SAGE1: variants seen among roughly 807,000 people sequenced by gnomAD.
The protein encoded by SAGE1 is sarcoma antigen 1.
A neutral mutation model predicts 55.4 loss-of-function variants in SAGE1; 55 were observed. The ratio of observed to expected loss-of-function variants is 0.99; its 90% CI spans 0.80 to 1.24. The LOEUF is 1.24. Ranked by LOEUF, SAGE1 falls within the 50% of genes most tolerant of loss-of-function variation. The probability of loss-of-function intolerance (pLI) is 0.00; values close to 1 mark genes in which losing one functional copy is unlikely to be tolerated. For missense variants in SAGE1, 710 were observed against 704.4 expected, an observed-to-expected ratio of 1.01 and a Z score of -0.09; for synonymous variants, 240 against 244.3, an observed-to-expected ratio of 0.98 and a Z score of 0.17.
chrX:135,901,443 T>C, intron 2 of SAGE1, 116 bp from the exon 3 acceptor site: 1 of 753,853 alleles, frequency 1.3e-6, no homozygotes, highest in Non-Finnish European at 1.9e-6. Context: ...ATCTTTGACC[T>C]GTGACTAAAA....
In SAGE1 at chrX:135,911,805, C is replaced by T. The variant is rs782207789; in HGVS notation, c.2373C>T (p.Tyr791=). The T allele has an allele frequency of 1.7e-5, 20 of 1,208,664 alleles. No individual in the cohort carries two copies. In the East Asian group the frequency reaches 5.9e-4, roughly 36 times the overall value. The stretch of plus-strand genomic sequence containing the variant: ...AATTTGCGGTAGGCACCAAAAACTA[C>T]AGTGTCTCTGCAGGTGACCCACCAG... The part of the protein sequence containing the change: ...SNEFAVGTKN[Y]SVSAGDPPVT... The change falls in exon 18 of 20, where the codon TAC becomes TAT. Residue 791 remains tyrosine, a synonymous_variant. Transcript: ENST00000370709.
In SAGE1 at chrX:135,909,647, G is replaced by A. The variant is rs782691323; in HGVS notation, c.1591G>A (p.Val531Ile). 5.3e-5 allele frequency: 64 copies of A among 1,197,039 alleles called. No individual in the cohort carries two copies. The highest frequency in any genetic ancestry group is 9.3e-5 in the South Asian group (5 of 53,750). Residue 531 changes from valine (V) to isoleucine (I), a missense_variant, in exon 14 of 20, where the codon GTC (valine) becomes ATC (isoleucine). Physicochemically the swap from Val to Ile is conservative, Grantham distance 29. Transcript: ENST00000370709. Reference protein sequence around the residue: ...SMSTKDLYATVTQNVHEERME... With the variant: ...SMSTKDLYATITQNVHEERME... ...CTTTATTTGGTTTCCAGATGCTACC[G>A]TCACTCAAAATGTCCATGAAGAGAG...
rs782703511 is a variant in SAGE1, at chrX:135,896,166, T to C, written c.1-77T>C. On this transcript the variant is annotated intron_variant, in intron 1 of 19. Transcript: ENST00000370709. Reference sequence around the variant, plus strand: ...ATATTTCAGCTGTATAGCGCCAATTTATGTGCCAGTTACGTTCCAGTTATA... The same window carrying C: ...ATATTTCAGCTGTATAGCGCCAATTCATGTGCCAGTTACGTTCCAGTTATA... 19 of 711,643 alleles carry C rather than the reference T, an allele frequency of 2.7e-5. No homozygotes were observed. In the East Asian group the frequency reaches 6.0e-4, roughly 23 times the overall value. The allele number at this position is 711,643 out of a possible 1,213,427, so 58.6% of individuals were successfully genotyped here.
intron 14 of SAGE1, 122 bp downstream of exon 14, chrX:135,909,901 A>G (rs2088864775): frequency 1.0e-6 from 1 of 976,007 alleles, no homozygotes; most frequent in South Asian, 2.3e-5. Context: ...GTGTTCTCAG[A>G]TCGCCATCTG....
chrX:135,907,815 T>C lies in SAGE1; in HGVS notation c.1133T>C (p.Met378Thr). 2 of 1,211,186 alleles carry C rather than the reference T, an allele frequency of 1.7e-6. No individual in the cohort carries two copies. The highest frequency in any genetic ancestry group is 2.2e-6 in the Non-Finnish European group (2 of 894,846). ...CTTGCTTATTTGGCAACAGCTGATA[T>C]GCCAGCCATGAGTACCAGGGATCAG... ...PGLAYLATAD[M>T]PAMSTRDQHA... Residue 378 changes from methionine to threonine, a missense_variant, in exon 10 of 20, where the codon ATG becomes ACG. Met to Thr is a moderately conservative substitution (Grantham distance 81, BLOSUM62 -1). Coordinates refer to ENST00000370709, the MANE Select transcript of SAGE1 (RefSeq NM_001381902.1).
At position 135,901,702 on chromosome X, in the gene SAGE1, A is replaced by T; in HGVS notation, c.220+11A>T. 5.0e-6 allele frequency: 6 copies of T among 1,197,930 alleles called. No individual in the cohort carries two copies. The highest frequency in any genetic ancestry group is 5.6e-6 in the Non-Finnish European group (5 of 887,424). On this transcript the variant is annotated intron_variant, in intron 3 of 19. Transcript: ENST00000370709. ...TAGACAAACAGGAAGGTGAGGGGGA[A>T]TCCAATCTTTGGGCCTCAACCATGT...
Position 135,906,117 on chromosome X carries a change from T to C in SAGE1, c.548T>C (p.Ile183Thr). 3 of 1,208,606 alleles carry C rather than the reference T, an allele frequency of 2.5e-6. No homozygotes were observed. The highest frequency in any genetic ancestry group is 3.4e-6 in the Non-Finnish European group (3 of 893,197). ...TTGTCAACTGGTCCCACAGGGCTTA[T>C]TAATATGGCAGCAACTCCTATTCCA... ...NVLSTGPTGL[I>T]NMAATPIPAM... The change falls in exon 6 of 20, where the codon ATT (isoleucine) becomes ACT (threonine). Residue 183 changes from isoleucine (I) to threonine (T), a missense_variant. By Grantham distance (89) the Ile-to-Thr change is moderately conservative. Transcript: ENST00000370709.
At chrX:135,896,528 T>TTTTATTTTAA (rs1249747632) in intron 2 of SAGE1, among the ~76,000 whole-genome samples, 199 bp downstream of exon 2, 1 of 102,371 alleles carries the variant, frequency 9.8e-6, no homozygotes, top group African/African-American at 3.5e-5. Flanking sequence ...AACTGATTTA[T>TTTTATTTTAA]TTTATTTTAT....
At chrX:135,912,654 A>G (rs2088919131) in intron 19 of SAGE1, 144 bp from the exon 20 acceptor site, 1 of 1,097,961 alleles carries the variant, frequency 9.1e-7, no homozygotes, top group Non-Finnish European at 1.2e-6. Flanking sequence ...CTCACTTTGT[A>G]TTTTTCTAGT....
At chrX:135,909,910 T>TG (rs1474968178) in intron 14 of SAGE1, 120 bp from the exon 15 acceptor site, 47 of 973,123 alleles carry the variant, frequency 4.8e-5, no homozygotes, top group Non-Finnish European at 6.5e-5. Context: ...GATCGCCATC[T>TG]GGCATATCCT....
chrX:135,912,031 C>A, intron 18 of SAGE1, 78 bp downstream of exon 18: 1 of 1,148,755 alleles, frequency 8.7e-7, no homozygotes. Context: ...ATTGAGCTGC[C>A]TCTTGAGCTC....
intron 2 of SAGE1, among the ~76,000 whole-genome samples, chrX:135,896,787 C>T (rs1276103664): frequency 1.8e-5 from 2 of 110,356 alleles, no homozygotes; most frequent in African/African-American, 3.3e-5. Context: ...CTCGAACTCC[C>T]GACCTCAGGT....
intron 1 of SAGE1, among the ~76,000 whole-genome samples, chrX:135,895,221 T>C (rs782478589): frequency 1.7e-4 from 19 of 111,882 alleles, no homozygotes; most frequent in African/African-American, 5.2e-4. Context: ...ATTCCAGAGA[T>C]TGCACACACG....
At chrX:135,903,392 T>G (rs1205691464) in intron 3 of SAGE1, among the ~76,000 whole-genome samples, 1 of 112,669 alleles carries the variant, frequency 8.9e-6, no homozygotes, top group Non-Finnish European at 1.9e-5. Flanking sequence ...TCATTGTGCA[T>G]GTACTGTCTG....
At chrX:135,896,853 C>T (rs1455560485) in intron 2 of SAGE1, among the ~76,000 whole-genome samples, 1 of 111,513 alleles carries the variant, frequency 9.0e-6, no homozygotes, top group Non-Finnish European at 1.9e-5. Flanking sequence ...GCCACCGCAC[C>T]TGGCCGAACT....
intron 11 of SAGE1, 106 bp downstream of exon 11, chrX:135,908,335 T>C: frequency 9.8e-7 from 1 of 1,021,821 alleles, no homozygotes. Flanking sequence ...GAGTTGAATT[T>C]GTGGGGTCTC....
chrX:135,901,003 CGTG>C (rs1224626411), intron 2 of SAGE1, among the ~76,000 whole-genome samples: 1 of 108,318 alleles, frequency 9.2e-6, no homozygotes, highest in African/African-American at 3.4e-5. Context: ...AATAGCCGGG[CGTG>C]GTGGCGGGTG....
chrX:135,902,721 C>T (rs1556597603), intron 3 of SAGE1, among the ~76,000 whole-genome samples: 2 of 112,001 alleles, frequency 1.8e-5, no homozygotes, highest in South Asian at 3.7e-4. Context: ...AGTCAAAATA[C>T]TTAAAGTCAC....
At chrX:135,910,889 C>A (rs1042581979) in intron 16 of SAGE1, among the ~76,000 whole-genome samples, 7 of 111,891 alleles carry the variant, frequency 6.3e-5, no homozygotes, top group African/African-American at 2.3e-4. Flanking sequence ...ACCCTTCCAT[C>A]AGGGCTTATT....
Sources: allele counts gnomAD v4.1 joint callset (sites outside exome capture counted in the v4.1 genomes callset), GRCh38; gene constraint gnomAD v4.1.1; transcripts MANE v1.5; gene names NCBI Gene and HGNC (gene_info 2026-07-23, HGNC 2026-07-21).